PKIB: variants seen among roughly 807,000 people sequenced by gnomAD.
The protein encoded by PKIB is cAMP-dependent protein kinase inhibitor beta, also known as PKI-beta.
A neutral mutation model predicts 4.5 loss-of-function variants in PKIB; 2 were observed. The ratio of observed to expected loss-of-function variants is 0.44; its 90% CI spans 0.18 to 1.39. The LOEUF is 1.39. PKIB is among the 40% of genes most tolerant of loss of function. The pLI is 0.27. For synonymous variants in PKIB, 38 were observed against 36.0 expected (o/e 1.06, Z -0.20); for missense variants, 94 against 92.6 (o/e 1.02, Z -0.06).
chr6:122,693,259 G>A (rs1778425967), intron 3 of PKIB, among the ~76,000 whole-genome samples: 1 of 152,158 alleles, frequency 6.6e-6, no homozygotes. Flanking sequence ...GGAAGTTAGA[G>A]TCAACTAACT....
chr6:122,698,386 C>T (rs1451552298), intron 3 of PKIB, among the ~76,000 whole-genome samples: 2 of 152,128 alleles, frequency 1.3e-5, no homozygotes, highest in African/African-American at 2.4e-5. Flanking sequence ...GGTCTCATAG[C>T]TAGGCCAGAT....
At chr6:122,586,720 AGGGAAG>A (rs1479800560) in intron 3 of PKIB, among the ~76,000 whole-genome samples, 9 of 152,098 alleles carry the variant, frequency 5.9e-5, no homozygotes, top group Non-Finnish European at 1.2e-4. Flanking sequence ...GATATAGCCA[AGGGAAG>A]GGCTTATGTT....
intron 2 of PKIB, among the ~76,000 whole-genome samples, chr6:122,559,355 G>C (rs1772950169): frequency 6.6e-6 from 1 of 151,826 alleles, no homozygotes; most frequent in South Asian, 2.1e-4. Context: ...ACAGTTGGCT[G>C]TATTTGGTTT....
rs117249128 is a variant in PKIB at position 122,630,031 on chromosome 6, T to C, written c.-160-3252T>C. Among the ~76,000 whole-genome samples, 362 of 152,248 alleles carry C rather than the reference T, an allele frequency of 2.4e-3. 2 individuals carry two copies. Among genetic ancestry groups the C allele is most frequent in the Non-Finnish European group, 4.2e-3 (283 of 67,996 alleles). On this transcript the variant is annotated intron_variant, in intron 1 of 4. Coordinates refer to ENST00000368452, the MANE Select transcript of PKIB (RefSeq NM_181795.3). ...ATAAATGTACCATACTAATGTAAGA[T>C]ACAAATAATAGGGGAAACTGGGTAT...
intron 2 of PKIB, among the ~76,000 whole-genome samples, chr6:122,576,710 A>ATATATATATATATTTTTTT (rs59569106): frequency 9.1e-6 from 1 of 109,992 alleles, no homozygotes; most frequent in African/African-American, 4.0e-5. Flanking sequence ...ATATATATAT[A>ATATATATATATATTTTTTT]TTTTCTTTTG....
chr6:122,508,238 T>C lies in PKIB; in HGVS notation c.-248+30299T>C, dbSNP rs530117773. 5.8e-4 allele frequency among the ~76,000 whole-genome samples: 89 copies of C among 152,350 alleles called. 1 individual carries two copies. The highest frequency in any genetic ancestry group is 2.1e-3 in the African/African-American group (89 of 41,578). ...TCTTGCTGGTTTGGCAAGTAGTCCA[T>C]ATAAAATAAGAATATGTATTTATGG... On this transcript the variant is annotated intron_variant, in intron 2 of 6. Transcript: ENST00000392491.
intron 1 of PKIB, among the ~76,000 whole-genome samples, chr6:122,476,426 T>C (rs891979128): frequency 2.0e-5 from 3 of 152,090 alleles, no homozygotes; most frequent in Admixed American, 6.5e-5. Context: ...GGAAAATAAT[T>C]CAAAACTAAG....
intron 2 of PKIB, among the ~76,000 whole-genome samples, chr6:122,569,163 C>G (rs1773284175): frequency 6.6e-6 from 1 of 152,186 alleles, no homozygotes; most frequent in Non-Finnish European, 1.5e-5. Flanking sequence ...ACCCTATCCC[C>G]AACTGGCTGT....
intron 2 of PKIB, among the ~76,000 whole-genome samples, chr6:122,516,214 C>T (rs1019754372): frequency 2.0e-5 from 3 of 152,184 alleles, no homozygotes; most frequent in Admixed American, 2.0e-4. Flanking sequence ...GAAGACTGTA[C>T]TGTAAGTATG....
At chr6:122,597,398 G>A (rs970767531) in intron 3 of PKIB, among the ~76,000 whole-genome samples, 4 of 152,180 alleles carry the variant, frequency 2.6e-5, no homozygotes, top group African/African-American at 9.7e-5. Flanking sequence ...GGAGAAAAAG[G>A]GATTTACCAA....
chr6:122,519,322 A>G (rs1582671894), intron 2 of PKIB, among the ~76,000 whole-genome samples: 1 of 152,170 alleles, frequency 6.6e-6, no homozygotes, highest in Admixed American at 6.5e-5. Context: ...AAACAAGCTC[A>G]GGGCTCCCAC....
chr6:122,678,903 G>C (rs1167973495), intron 3 of PKIB, among the ~76,000 whole-genome samples: 1 of 152,168 alleles, frequency 6.6e-6, no homozygotes, highest in African/African-American at 2.4e-5. Context: ...TTAATAAAGA[G>C]AGCAAATGCA....
intron 2 of PKIB, among the ~76,000 whole-genome samples, chr6:122,509,975 G>T (rs571371759): frequency 1.3e-5 from 2 of 151,326 alleles, no homozygotes; most frequent in African/African-American, 2.4e-5. Flanking sequence ...TACTGTGCAA[G>T]TTGAAATTTT....
intron 2 of PKIB, among the ~76,000 whole-genome samples, chr6:122,665,092 T>A (rs34187852): frequency 0.056 from 8,557 of 152,178 alleles, 260 homozygotes; most frequent in East Asian, 0.13. Context: ...ATTAGTAAAA[T>A]TAAGCTTGTT....
At chr6:122,567,868 G>T (rs1381068690) in intron 2 of PKIB, among the ~76,000 whole-genome samples, 2 of 152,166 alleles carry the variant, frequency 1.3e-5, no homozygotes, top group Non-Finnish European at 2.9e-5. Context: ...ACTGTAGTTA[G>T]GAATGTCATT....
At chr6:122,494,877 C>G (rs1412230420) in intron 2 of PKIB, among the ~76,000 whole-genome samples, 1 of 152,202 alleles carries the variant, frequency 6.6e-6, no homozygotes, top group Non-Finnish European at 1.5e-5. Flanking sequence ...ACCTTGCAAT[C>G]CTGGGCATGG....
intron 3 of PKIB, among the ~76,000 whole-genome samples, chr6:122,603,226 TAATA>T (rs970505054): frequency 2.0e-5 from 3 of 152,140 alleles, no homozygotes; most frequent in Non-Finnish European, 4.4e-5. Context: ...TTTGGGATCA[TAATA>T]AATAATATCT....
intron 2 of PKIB, among the ~76,000 whole-genome samples, chr6:122,569,402 A>G (rs1248444124): frequency 6.6e-6 from 1 of 152,192 alleles, no homozygotes; most frequent in African/African-American, 2.4e-5. Context: ...TACTGTGTCC[A>G]GAATGGAGAA....
At chr6:122,490,779 C>G (rs560898624) in intron 2 of PKIB, among the ~76,000 whole-genome samples, 1 of 152,276 alleles carries the variant, frequency 6.6e-6, no homozygotes, top group East Asian at 1.9e-4. Flanking sequence ...TCAGCTATTT[C>G]TTTATAGCTA....
Sources: allele counts gnomAD v4.1 joint callset (sites outside exome capture counted in the v4.1 genomes callset), GRCh38; gene constraint gnomAD v4.1.1; transcripts MANE v1.5; gene names NCBI Gene and HGNC (gene_info 2026-07-23, HGNC 2026-07-21).